HAPLN1: variants seen among roughly 807,000 people sequenced by gnomAD.
The protein encoded by HAPLN1 is hyaluronan and proteoglycan link protein 1, also known as Cartilage link protein.
In HAPLN1, 13 loss-of-function variants were observed where a neutral mutation model predicts 36.5. The ratio of observed to expected loss-of-function variants is 0.36; its 90% CI spans 0.23 to 0.57. HAPLN1 has a LOEUF of 0.57. HAPLN1 is among the 20% of genes least tolerant of loss of function. The pLI, the probability that HAPLN1 is intolerant of heterozygous loss-of-function variation, is 0.83. For synonymous variants in HAPLN1, 202 were observed against 169.8 expected (o/e 1.19, Z -1.48); for missense variants, 407 against 439.7 (o/e 0.93, Z 0.66).
rs536437352 is a variant in HAPLN1 at position 83,719,128 on chromosome 5, G to C, written c.-27+1661C>G. 1.6e-3 allele frequency among the ~76,000 whole-genome samples: 248 copies of C among 152,334 alleles called. 5 individuals carry two copies. In the South Asian group the frequency reaches 0.036, roughly 22 times the overall value. On this transcript the variant is annotated intron_variant, in intron 1 of 4. Coordinates refer to ENST00000274341, the MANE Select transcript of HAPLN1 (RefSeq NM_001884.4). ...ATATAATGAATTGATTCTTCTCTGT[G>C]AAAGTCTCTTCAGTACTTCTAAATT...
chr5:83,700,193 CAAAAAAAAA>C (rs58457969), intron 1 of HAPLN1, among the ~76,000 whole-genome samples: 36 of 99,266 alleles, frequency 3.6e-4, no homozygotes, highest in Non-Finnish European at 3.2e-4. Context: ...GACTCCATCT[CAAAAAAAAA>C]AAAAAAAAAA....
rs191703801 is a variant in HAPLN1 at position 83,650,940 on chromosome 5, T to G, written c.472+1513A>C. On this transcript the variant is annotated intron_variant, in intron 3 of 4. Transcript: ENST00000274341. Reference sequence around the variant, plus strand: ...AATTGTGTCTTGGAGGAGCCTTGATTTGACCCTATAATGCGTTATACTGTA... The same window carrying G: ...AATTGTGTCTTGGAGGAGCCTTGATGTGACCCTATAATGCGTTATACTGTA... Among the ~76,000 whole-genome samples the G allele has an allele frequency of 2.9e-3, 440 of 152,290 alleles. 2 individuals carry two copies. Among genetic ancestry groups the G allele is most frequent in the African/African-American group, 0.01 (420 of 41,572 alleles).
At chr5:83,669,434 G>A (rs184563979) in intron 2 of HAPLN1, among the ~76,000 whole-genome samples, 129 of 152,310 alleles carry the variant, frequency 8.5e-4, no homozygotes, top group African/African-American at 3.0e-3. Context: ...GGGAGGCAGA[G>A]GTTGCAGTGA....
chr5:83,695,226 A>G (rs889931836), intron 1 of HAPLN1, among the ~76,000 whole-genome samples: 5 of 152,120 alleles, frequency 3.3e-5, no homozygotes, highest in Non-Finnish European at 7.4e-5. Flanking sequence ...CCTGGGTTCA[A>G]ACAATTCTCC....
chr5:83,685,446 T>G (rs571230096), intron 1 of HAPLN1, among the ~76,000 whole-genome samples: 1 of 152,284 alleles, frequency 6.6e-6, no homozygotes, highest in East Asian at 1.9e-4. Flanking sequence ...TGCTGCAAAC[T>G]TCTAGATATT....
chr5:83,666,971 A>G (rs1335448955), intron 2 of HAPLN1, among the ~76,000 whole-genome samples: 1 of 152,198 alleles, frequency 6.6e-6, no homozygotes, highest in Non-Finnish European at 1.5e-5. Flanking sequence ...GACAGAAGCA[A>G]AGTTGGTAAG....
intron 1 of HAPLN1, among the ~76,000 whole-genome samples, chr5:83,715,699 TG>T (rs1561327714): frequency 6.6e-6 from 1 of 152,174 alleles, no homozygotes; most frequent in Non-Finnish European, 1.5e-5. Flanking sequence ...CTAGTCCTCT[TG>T]GGGTTTTGGA....
chr5:83,646,262 G>C (rs1194748454), intron 3 of HAPLN1, among the ~76,000 whole-genome samples: 1 of 152,146 alleles, frequency 6.6e-6, no homozygotes, highest in Non-Finnish European at 1.5e-5. Flanking sequence ...GGCTTGCCTT[G>C]AATTTTTTAA....
At chr5:83,686,267 T>C (rs1751122947) in intron 1 of HAPLN1, among the ~76,000 whole-genome samples, 1 of 151,876 alleles carries the variant, frequency 6.6e-6, no homozygotes, top group Non-Finnish European at 1.5e-5. Flanking sequence ...CCTGGCATAA[T>C]TAACCTACCT....
intron 1 of HAPLN1, among the ~76,000 whole-genome samples, chr5:83,716,114 A>G (rs1751907972): frequency 6.6e-6 from 1 of 152,118 alleles, no homozygotes; most frequent in Non-Finnish European, 1.5e-5. Flanking sequence ...CGAAAATGAG[A>G]AAAAAAATTC....
intron 4 of HAPLN1, 82 bp downstream of exon 4, chr5:83,644,281 A>G (rs1749785887): frequency 9.4e-7 from 1 of 1,069,500 alleles, no homozygotes; most frequent in Non-Finnish European, 1.2e-6. Flanking sequence ...TTCTAAGAAG[A>G]TAAGATTAAA....
intron 2 of HAPLN1, among the ~76,000 whole-genome samples, chr5:83,668,454 C>T (rs749655168): frequency 1.7e-4 from 26 of 152,268 alleles, no homozygotes; most frequent in Admixed American, 2.6e-4. Context: ...TCTTCATTCG[C>T]GAATTGGAAG....
intron 2 of HAPLN1, among the ~76,000 whole-genome samples, chr5:83,657,363 G>A (rs1411528610): frequency 6.6e-6 from 1 of 152,122 alleles, no homozygotes; most frequent in Admixed American, 6.5e-5. Flanking sequence ...CTCCCAAAGT[G>A]CTGGGATTAT....
At position 83,652,719 on chromosome 5, in the gene HAPLN1, G is replaced by T. The variant is rs766950407; in HGVS notation, c.206C>A (p.Ala69Glu). 6.2e-7 allele frequency: 1 copy of T among 1,613,952 alleles called. No homozygotes were observed. The highest frequency in any genetic ancestry group is 8.5e-7 in the Non-Finnish European group (1 of 1,179,996). Residue 69 changes from alanine to glutamate, a missense_variant, in exon 3 of 5, where the codon GCA (alanine) becomes GAA (glutamate). Coordinates refer to ENST00000274341, the MANE Select transcript of HAPLN1 (RefSeq NM_001884.4). ...LPCKFYRDPT[A>E]FGSGIHKIRI... ...GATTTTATGGATTCCTGAGCCAAAT[G>T]CTGTAGGGTCTCGATAAAATTTACA...
chr5:83,642,187 G>C (rs138630684), intron 4 of HAPLN1, among the ~76,000 whole-genome samples: 1 of 152,112 alleles, frequency 6.6e-6, no homozygotes, highest in Non-Finnish European at 1.5e-5. Flanking sequence ...GGCAAAATTT[G>C]AATGTGAAAG....
Position 83,681,771 on chromosome 5 carries a change from T to C in HAPLN1, c.-26-8222A>G, listed in dbSNP as rs539505043. On this transcript the variant is annotated intron_variant, in intron 1 of 4. Transcript: ENST00000274341. ...AATAACTCTCCTCTTCATATTATAA[T>C]GTACAAACAAAATTAAGAATTTTTA... Among the ~76,000 whole-genome samples, 281 of 152,308 alleles carry C rather than the reference T, an allele frequency of 1.8e-3. 1 individual carries two copies. Among genetic ancestry groups the C allele is most frequent in the African/African-American group, 5.1e-3 (214 of 41,574 alleles).
At chr5:83,658,849 C>G (rs981735852) in intron 2 of HAPLN1, among the ~76,000 whole-genome samples, 4 of 152,076 alleles carry the variant, frequency 2.6e-5, no homozygotes, top group East Asian at 1.9e-4. Context: ...TATCAGAGAC[C>G]AAGTTTTAGC....
intron 4 of HAPLN1, among the ~76,000 whole-genome samples, chr5:83,643,875 T>C (rs960451403): frequency 6.6e-6 from 1 of 152,276 alleles, no homozygotes; most frequent in Non-Finnish European, 1.5e-5. Flanking sequence ...CCTTTCCTTC[T>C]GCTTTCACCT....
intron 1 of HAPLN1, among the ~76,000 whole-genome samples, chr5:83,704,346 A>G (rs1331906726): frequency 1.3e-5 from 2 of 152,186 alleles, no homozygotes; most frequent in Non-Finnish European, 2.9e-5. Flanking sequence ...GCAACCACAC[A>G]AACAAGTCAG....
Sources: allele counts gnomAD v4.1 joint callset (sites outside exome capture counted in the v4.1 genomes callset), GRCh38; gene constraint gnomAD v4.1.1; transcripts MANE v1.5; gene names NCBI Gene and HGNC (gene_info 2026-07-23, HGNC 2026-07-21).